Variants in MSANTD3 observed in about 807,000 individuals in gnomAD.
MSANTD3 encodes the protein Myb/SANT DNA binding domain containing 3.
MSANTD3 carries 11 observed loss-of-function variants against 27.7 expected under a neutral mutation model. That is an observed-to-expected ratio of 0.40 (90% CI 0.25 to 0.66). The LOEUF is 0.66. MSANTD3 is among the 30% of genes least tolerant of loss of function. The pLI, the probability that MSANTD3 is intolerant of heterozygous loss-of-function variation, is 0.41. For synonymous variants in MSANTD3, 131 were observed against 127.2 expected (o/e 1.03, Z -0.20); for missense variants, 250 against 336.5 (o/e 0.74, Z 2.01).
In MSANTD3 at chr9:100,450,956, A is replaced by G. The variant is rs140555279; in HGVS notation, c.818A>G (p.Asn273Ser). The G allele has an allele frequency of 1.5e-5, 23 of 1,585,964 alleles. No homozygotes were observed. In the African/African-American group the frequency reaches 2.2e-4, roughly 15 times the overall value. ...TCCTCATTTAACCGGCCCTTTCCCAATTCGCCCTAAGACTTTGGGGGTGGC... is the reference window on the plus strand; with the variant it reads ...TCCTCATTTAACCGGCCCTTTCCCAGTTCGCCCTAAGACTTTGGGGGTGGC... ...PVSSFNRPFP[N>S]SP The change falls in exon 3 of 3, where the codon AAT (asparagine) becomes AGT (serine). Residue 273 changes from asparagine (N) to serine (S), a missense_variant. Transcript: ENST00000395067.
chr9:100,436,542 G>C (rs1005407859), intron 1 of MSANTD3, among the ~76,000 whole-genome samples: 7 of 152,192 alleles, frequency 4.6e-5, no homozygotes, highest in African/African-American at 1.7e-4. Flanking sequence ...TGGGGACAGG[G>C]AAGTCCAGTC....
At chr9:100,450,496 G>T (rs1344601273) in intron 2 of MSANTD3, 61 bp from the exon 3 acceptor site, 49 of 1,112,500 alleles carry the variant, frequency 4.4e-5, no homozygotes, top group East Asian at 2.5e-4. Context: ...AATAGGATTG[G>T]TTTTTTTTTT....
At chr9:100,431,365 G>T (rs1021269783) in intron 1 of MSANTD3, among the ~76,000 whole-genome samples, 4 of 150,184 alleles carry the variant, frequency 2.7e-5, no homozygotes, top group Non-Finnish European at 5.9e-5. Flanking sequence ...GAGTGCAGTG[G>T]TGCAATCATT....
At chr9:100,429,517 T>G (rs1233658954) in intron 1 of MSANTD3, 1 of 152,024 alleles carries the variant, frequency 6.6e-6, no homozygotes, top group Non-Finnish European at 1.5e-5. Flanking sequence ...AATTTCCCAG[T>G]CCAGTGTGGG....
At chr9:100,448,216 A>G (rs1836803681) in intron 2 of MSANTD3, 2 of 972,136 alleles carry the variant, frequency 2.1e-6, no homozygotes, top group Admixed American at 6.4e-5. Context: ...AAAAAAAAAG[A>G]AGAAGAAGAA....
chr9:100,444,513 A>C (rs1836706941), intron 2 of MSANTD3: 1 of 152,498 alleles, frequency 6.6e-6, no homozygotes, highest in Non-Finnish European at 1.5e-5. Context: ...AGAGCCATTC[A>C]GCTTCTGTGA....
chr9:100,430,663 C>G (rs1836354586), intron 1 of MSANTD3, among the ~76,000 whole-genome samples: 2 of 152,152 alleles, frequency 1.3e-5, no homozygotes, highest in South Asian at 2.1e-4. Context: ...TTAGCTCTGT[C>G]CACAGACATG....
intron 1 of MSANTD3, among the ~76,000 whole-genome samples, chr9:100,439,987 C>A (rs188172926): frequency 6.6e-6 from 1 of 152,266 alleles, no homozygotes; most frequent in East Asian, 1.9e-4. Flanking sequence ...TTTATTGCCG[C>A]AGTCAGTGTT....
In MSANTD3 at chr9:100,442,002, C is replaced by T. The variant is rs1299150598; in HGVS notation, c.64C>T (p.Leu22=). The change falls in exon 2 of 3, where the codon CTG becomes TTG. Residue 22 remains leucine, a synonymous_variant. Coordinates refer to ENST00000395067, the MANE Select transcript of MSANTD3 (RefSeq NM_080655.3). ...YFSELEKSIL[L]ALVEKYKYVL... ...CTCAGAATTGGAAAAGAGCATCCTG[C>T]TGGCTTTAGTAGAAAAGTATAAATA... The T allele has an allele frequency of 3.7e-6, 6 of 1,614,148 alleles. No homozygotes were observed. The highest frequency in any genetic ancestry group is 5.1e-6 in the Non-Finnish European group (6 of 1,180,014).
chr9:100,440,142 C>T (rs779664045), intron 1 of MSANTD3, among the ~76,000 whole-genome samples: 3 of 152,158 alleles, frequency 2.0e-5, no homozygotes, highest in Non-Finnish European at 4.4e-5. Context: ...TCACTAAGCA[C>T]CTGTTGTGTG....
chr9:100,444,982 A>C (rs545082080), intron 2 of MSANTD3: 24 of 520,850 alleles, frequency 4.6e-5, no homozygotes, highest in Admixed American at 6.8e-5. Flanking sequence ...GGTGATTATT[A>C]AAGCATAGCC....
At chr9:100,427,525 A>C (rs1239332743) in intron 1 of MSANTD3, 132 bp downstream of exon 1, 2 of 150,676 alleles carry the variant, frequency 1.3e-5, no homozygotes, top group Admixed American at 6.6e-5. Context: ...CCGGCCTTGC[A>C]GGCTGGGCGC....
intron 1 of MSANTD3, 140 bp from the exon 2 acceptor site, chr9:100,441,766 G>C (rs1227551776): frequency 5.0e-6 from 5 of 996,288 alleles, no homozygotes; most frequent in Non-Finnish European, 7.1e-6. Context: ...CCAGAGTCCT[G>C]AATATCATAA....
chr9:100,428,067 C>T (rs574673817), intron 1 of MSANTD3, among the ~76,000 whole-genome samples: 2 of 152,236 alleles, frequency 1.3e-5, no homozygotes, highest in South Asian at 4.2e-4. Flanking sequence ...AAACAGTTGG[C>T]ATGAATTATC....
At chr9:100,445,236 A>T (rs1340385282) in intron 2 of MSANTD3, 1 of 1,586,602 alleles carries the variant, frequency 6.3e-7, no homozygotes, top group African/African-American at 1.3e-5. Context: ...GGTAGGAAAA[A>T]GGTGGAAAAT....
At chr9:100,430,240 G>C (rs146318877) in intron 1 of MSANTD3, among the ~76,000 whole-genome samples, 99 of 151,450 alleles carry the variant, frequency 6.5e-4, no homozygotes, top group Admixed American at 1.3e-3. Flanking sequence ...AATTGCATGA[G>C]AGTTGGGCTT....
intron 1 of MSANTD3, among the ~76,000 whole-genome samples, chr9:100,437,588 C>G (rs185500856): frequency 1.3e-5 from 2 of 152,170 alleles, no homozygotes; most frequent in Non-Finnish European, 2.9e-5. Flanking sequence ...CCCTTTATAG[C>G]CAGGCAGAAT....
At chr9:100,436,144 T>G (rs1380812509) in intron 1 of MSANTD3, among the ~76,000 whole-genome samples, 1 of 152,204 alleles carries the variant, frequency 6.6e-6, no homozygotes, top group African/African-American at 2.4e-5. Flanking sequence ...TAATGCAGCT[T>G]TTTTTCATTA....
chr9:100,437,388 C>G (rs1396896019), intron 1 of MSANTD3, among the ~76,000 whole-genome samples: 1 of 152,126 alleles, frequency 6.6e-6, no homozygotes, highest in Non-Finnish European at 1.5e-5. Flanking sequence ...CTAAGCAGAG[C>G]AGAGAGGAGC....
Sources: allele counts gnomAD v4.1 joint callset (sites outside exome capture counted in the v4.1 genomes callset), GRCh38; gene constraint gnomAD v4.1.1; transcripts MANE v1.5; gene names NCBI Gene and HGNC (gene_info 2026-07-23, HGNC 2026-07-21).